PLCE1: variants seen among roughly 807,000 people sequenced by gnomAD.
The protein encoded by PLCE1 is 1-phosphatidylinositol 4,5-bisphosphate phosphodiesterase epsilon-1.
PLCE1 carries 119 observed loss-of-function variants against 242.8 expected under a neutral mutation model. That is an observed-to-expected ratio of 0.49 (90% CI 0.42 to 0.57). The LOEUF (loss-of-function observed/expected upper bound fraction) is 0.57. PLCE1 is among the 20% of genes least tolerant of loss of function. The probability of loss-of-function intolerance (pLI) is 0.00; values close to 1 mark genes in which losing one functional copy is unlikely to be tolerated. For synonymous variants in PLCE1, 945 were observed against 1,017.4 expected, an observed-to-expected ratio of 0.93 and a Z score of 1.35; for missense variants, 2,441 against 2,788.8, an observed-to-expected ratio of 0.88 and a Z score of 2.81.
chr10:94,304,425 A>T, intron 24 of PLCE1, 57 bp from the exon 25 acceptor site: 1 of 1,464,032 alleles, frequency 6.8e-7, no homozygotes, highest in Non-Finnish European at 9.6e-7. Context: ...TTATAAGGTG[A>T]TACTTAAGCG....
At chr10:94,152,020 G>T (rs1424780111) in intron 3 of PLCE1, among the ~76,000 whole-genome samples, 4 of 152,154 alleles carry the variant, frequency 2.6e-5, no homozygotes, top group African/African-American at 9.6e-5. Context: ...ACTCAAGATG[G>T]ATTAAAGACT....
At chr10:94,304,868 G>C (rs1025758847) in intron 25 of PLCE1, among the ~76,000 whole-genome samples, 1 of 152,110 alleles carries the variant, frequency 6.6e-6, no homozygotes, top group African/African-American at 2.4e-5. Flanking sequence ...GGGCATATGA[G>C]GTCCCTGTTT....
chr10:94,299,593 G>C (rs1470403013), intron 24 of PLCE1, among the ~76,000 whole-genome samples: 1 of 152,206 alleles, frequency 6.6e-6, no homozygotes, highest in Non-Finnish European at 1.5e-5. Flanking sequence ...CAAGCGGCAG[G>C]CAGCTGTTAT....
At chr10:94,273,847 A>G (rs1268439967) in intron 19 of PLCE1, 127 bp downstream of exon 19, 1 of 883,226 alleles carries the variant, frequency 1.1e-6, no homozygotes, top group Admixed American at 1.9e-5. Flanking sequence ...TCCTTAAATG[A>G]TAAGTTTGAT....
At chr10:94,074,543 A>G (rs2044450115) in intron 2 of PLCE1, among the ~76,000 whole-genome samples, 1 of 152,146 alleles carries the variant, frequency 6.6e-6, no homozygotes, top group Admixed American at 6.5e-5. Context: ...TGTGAAATCC[A>G]TTTTCTATTC....
At chr10:94,092,911 C>G (rs2045135531) in intron 2 of PLCE1, among the ~76,000 whole-genome samples, 1 of 152,130 alleles carries the variant, frequency 6.6e-6, no homozygotes, top group Admixed American at 6.6e-5. Context: ...GAAAAGGGAG[C>G]CAGCAGACAC....
intron 1 of PLCE1, among the ~76,000 whole-genome samples, chr10:94,027,995 T>C (rs2061485538): frequency 6.6e-6 from 1 of 152,192 alleles, no homozygotes; most frequent in Admixed American, 6.5e-5. Context: ...GATTCTGTAG[T>C]CAGTCTTCTT....
rs563321029 is a variant in PLCE1 at position 94,018,451 on chromosome 10, A to G, written c.-364-12232A>G. Among the ~76,000 whole-genome samples, 6 of 152,300 alleles carry G rather than the reference A, an allele frequency of 3.9e-5. No homozygotes were observed. The South Asian group carries it at 1.2e-3, about 32-fold the overall frequency. ...ACCCATGACCTTCCATCCCAGCTCC[A>G]ATAAGTGACTGTGATTCCCTCTCTG... is the stretch of plus-strand genomic sequence containing the variant. On this transcript the variant is annotated intron_variant, in intron 1 of 32. Transcript: ENST00000371380.
At chr10:94,228,328 C>T (rs911788997) in intron 5 of PLCE1, among the ~76,000 whole-genome samples, 1 of 152,138 alleles carries the variant, frequency 6.6e-6, no homozygotes, top group African/African-American at 2.4e-5. Context: ...AAATCCTTAT[C>T]CAGGAATCAA....
Position 94,304,473 on chromosome 10 carries a change from G to A in PLCE1, c.5459-9G>A, listed in dbSNP as rs377598056. ...GCTATATTGGCTTTCTTTGTTGTTT[G>A]TTTTACAGATCTCCCTTTACATTTA... On this transcript the variant is annotated splice_polypyrimidine_tract_variant and intron_variant, in intron 24 of 32. Coordinates refer to ENST00000371380, the MANE Select transcript of PLCE1 (RefSeq NM_016341.4). 2 of 1,613,582 alleles carry A rather than the reference G, an allele frequency of 1.2e-6. No individual in the cohort carries two copies. Among genetic ancestry groups the A allele is most frequent in the African/African-American group, 2.7e-5 (2 of 74,894 alleles).
At chr10:94,325,297 T>A (rs2133918944) in intron 32 of PLCE1, 193 bp downstream of exon 32, 2 of 542,962 alleles carry the variant, frequency 3.7e-6, no homozygotes, top group East Asian at 6.6e-5. Flanking sequence ...GAACACCGCC[T>A]ATAAAGAAAA....
intron 7 of PLCE1, among the ~76,000 whole-genome samples, chr10:94,245,205 G>A (rs1234165472): frequency 6.6e-6 from 1 of 152,066 alleles, no homozygotes; most frequent in Non-Finnish European, 1.5e-5. Context: ...CTCTGAGAGG[G>A]GTTACCTTGA....
At chr10:94,243,554 G>A (rs541017935) in intron 7 of PLCE1, among the ~76,000 whole-genome samples, 1 of 152,264 alleles carries the variant, frequency 6.6e-6, no homozygotes, top group South Asian at 2.1e-4. Context: ...TTTTGTGTGA[G>A]GTACACTGTC....
At chr10:94,203,072 T>G (rs2049033494) in intron 4 of PLCE1, among the ~76,000 whole-genome samples, 1 of 152,220 alleles carries the variant, frequency 6.6e-6, no homozygotes, top group Admixed American at 6.5e-5. Flanking sequence ...GAAGCCTTTT[T>G]AAATATCCTG....
In PLCE1 at chr10:94,265,941, GT is replaced by G; in HGVS notation, c.4265del (p.Val1422GlufsTer15). ...CCATCAGCTCAAAGGAGAATCCTCG[GT>G]AGAACTCTACAGCCAGGTACAGGGA... is the stretch of plus-strand genomic sequence containing the variant. ...TGHQLKGESS[V>X]ELYSQVLLQG... On this transcript the variant is annotated frameshift_variant, in exon 16 of 33. Transcript: ENST00000371380. LOFTEE classifies it high-confidence loss of function. 1 of 1,613,968 alleles carries G rather than the reference GT, an allele frequency of 6.2e-7. No individual in the cohort carries two copies. Among genetic ancestry groups the G allele is most frequent in the Non-Finnish European group, 8.5e-7 (1 of 1,179,932 alleles).
At chr10:94,307,162 G>T (rs2053232623) in intron 26 of PLCE1, among the ~76,000 whole-genome samples, 1 of 152,208 alleles carries the variant, frequency 6.6e-6, no homozygotes, top group Admixed American at 6.5e-5. Context: ...AGAGCTATTT[G>T]CTTGTAGATT....
intron 2 of PLCE1, chr10:94,104,085 G>A (rs954018535): frequency 1.3e-5 from 2 of 152,326 alleles, no homozygotes; most frequent in Admixed American, 1.3e-4. Context: ...AGCAAGAGAG[G>A]AAGTGTTCTT....
intron 1 of PLCE1, among the ~76,000 whole-genome samples, chr10:94,029,428 T>C (rs2134467529): frequency 6.6e-6 from 1 of 152,298 alleles, no homozygotes; most frequent in East Asian, 1.9e-4. Context: ...GGTATTTGCA[T>C]AGTTATACAC....
chr10:94,093,163 C>T (rs2045144347), intron 2 of PLCE1, among the ~76,000 whole-genome samples: 1 of 152,282 alleles, frequency 6.6e-6, no homozygotes, highest in Admixed American at 6.5e-5. Flanking sequence ...TAGCAGCCCC[C>T]TAAACCTTGG....
Sources: allele counts gnomAD v4.1 joint callset (sites outside exome capture counted in the v4.1 genomes callset), GRCh38; gene constraint gnomAD v4.1.1; transcripts MANE v1.5; gene names NCBI Gene and HGNC (gene_info 2026-07-23, HGNC 2026-07-21).